The following PTH2R variants were observed in gnomAD, a reference collection of about 807,000 sequenced individuals.
The protein encoded by PTH2R is parathyroid hormone 2 receptor, also known as PTH2 receptor.
In PTH2R, 59 loss-of-function variants were observed where a neutral mutation model predicts 60.3. The observed-to-expected ratio is 0.98, with a 90% CI of 0.79 to 1.22. The LOEUF is 1.22. Among genes scored for constraint, PTH2R ranks in the 50% most tolerant of loss-of-function variants. The pLI, the probability that PTH2R is intolerant of heterozygous loss-of-function variation, is 0.00. For missense variants in PTH2R, 749 were observed against 682.6 expected (o/e 1.10, Z -1.08); for synonymous variants, 256 against 243.8 (o/e 1.05, Z -0.47).
chr2:208,430,546 C>CTTTTTT (rs760898660), intron 2 of PTH2R, among the ~76,000 whole-genome samples: 1 of 118,238 alleles, frequency 8.5e-6, no homozygotes. Flanking sequence ...TGTCTGGCTT[C>CTTTTTT]TTTTTTTTTT....
At chr2:208,443,001 A>G (rs1702217280) in intron 5 of PTH2R, among the ~76,000 whole-genome samples, 2 of 152,166 alleles carry the variant, frequency 1.3e-5, no homozygotes, top group Non-Finnish European at 2.9e-5. Context: ...CAGAAAAAAA[A>G]GTTTGGTTGT....
At chr2:208,412,026 G>T (rs1256259103) in intron 1 of PTH2R, among the ~76,000 whole-genome samples, 1 of 152,108 alleles carries the variant, frequency 6.6e-6, no homozygotes, top group Non-Finnish European at 1.5e-5. Context: ...CTTTTAAATG[G>T]GGTGTGTATG....
At chr2:208,413,215 T>G (rs1235357056) in intron 1 of PTH2R, among the ~76,000 whole-genome samples, 1 of 151,978 alleles carries the variant, frequency 6.6e-6, no homozygotes, top group East Asian at 1.9e-4. Context: ...TTGAACTCAT[T>G]AAATTATATT....
intron 1 of PTH2R, among the ~76,000 whole-genome samples, chr2:208,365,942 ATATATATATATATATATATTTTTTTTTTT>A (rs1700574648): frequency 1.4e-4 from 2 of 14,712 alleles, no homozygotes; most frequent in Non-Finnish European, 3.3e-4. Context: ...ATATATATAT[ATATATATATATATATATATTTTTTTTTTT>A]TTTTTTTTTT....
chr2:208,452,616 GT>G (rs1026016636), intron 8 of PTH2R, among the ~76,000 whole-genome samples: 1 of 152,158 alleles, frequency 6.6e-6, no homozygotes, highest in African/African-American at 2.4e-5. Flanking sequence ...AGATTAGGAT[GT>G]TTGGTCTTCG....
intron 10 of PTH2R, among the ~76,000 whole-genome samples, chr2:208,484,948 G>T (rs772346582): frequency 9.2e-5 from 14 of 152,166 alleles, no homozygotes; most frequent in Non-Finnish European, 2.1e-4. Context: ...GTGTCATGCT[G>T]AGTGCCCTCC....
chr2:208,459,069 C>T (rs1401555336), intron 8 of PTH2R, among the ~76,000 whole-genome samples: 1 of 152,076 alleles, frequency 6.6e-6, no homozygotes, highest in African/African-American at 2.4e-5. Flanking sequence ...ACACTCCCAC[C>T]AACAGCATAT....
intron 2 of PTH2R, among the ~76,000 whole-genome samples, chr2:208,429,876 C>T (rs1242469723): frequency 6.6e-6 from 1 of 152,136 alleles, no homozygotes; most frequent in African/African-American, 2.4e-5. Flanking sequence ...TTCTGATAAT[C>T]TTTGTCTATT....
chr2:208,361,040 A>G, intron 1 of PTH2R: 1 of 216,654 alleles, frequency 4.6e-6, no homozygotes, highest in Non-Finnish European at 9.8e-6. Flanking sequence ...TCCCGCTGGA[A>G]ATAACAGATG....
chr2:208,371,805 C>G (rs1700706560), intron 1 of PTH2R, among the ~76,000 whole-genome samples: 1 of 152,070 alleles, frequency 6.6e-6, no homozygotes, highest in Non-Finnish European at 1.5e-5. Context: ...TGTGATATGA[C>G]ATACTCATAA....
intron 1 of PTH2R, among the ~76,000 whole-genome samples, chr2:208,396,759 G>C (rs1369797976): frequency 6.6e-6 from 1 of 152,122 alleles, no homozygotes; most frequent in Non-Finnish European, 1.5e-5. Context: ...GATTCCTCAG[G>C]GATCTAGAAC....
In PTH2R at chr2:208,385,805, A is replaced by G. The variant is rs1004164654; in HGVS notation, c.-259+25568A>G. 4.6e-5 allele frequency among the ~76,000 whole-genome samples: 7 copies of G among 152,268 alleles called. No homozygotes were observed. In the East Asian group the frequency reaches 1.3e-3, roughly 29 times the overall value. On this transcript the variant is annotated intron_variant, in intron 1 of 12. Transcript: ENST00000617735. Reference sequence around the variant, plus strand: ...AGACACAGAATAAAACACAGAAGATAAGAAAACCAACTTTGAAAGAAAATT... The same window carrying G: ...AGACACAGAATAAAACACAGAAGATGAGAAAACCAACTTTGAAAGAAAATT...
At chr2:208,470,170 A>G (rs186179646) in intron 9 of PTH2R, among the ~76,000 whole-genome samples, 30 of 152,348 alleles carry the variant, frequency 2.0e-4, no homozygotes, top group African/African-American at 6.7e-4. Context: ...GGAGAGTTAT[A>G]TGGTACTAGC....
intron 8 of PTH2R, among the ~76,000 whole-genome samples, chr2:208,458,186 T>C (rs1428486914): frequency 3.3e-5 from 5 of 152,168 alleles, no homozygotes; most frequent in Non-Finnish European, 7.4e-5. Context: ...ATTCAATTGA[T>C]GTCAGTTCAA....
chr2:208,414,463 C>T (rs1356632428), intron 1 of PTH2R, among the ~76,000 whole-genome samples: 1 of 151,970 alleles, frequency 6.6e-6, no homozygotes, highest in Non-Finnish European at 1.5e-5. Flanking sequence ...TCATAGTATT[C>T]CCCCAAGTTC....
At chr2:208,441,254 A>G (rs60916150) in intron 4 of PTH2R, among the ~76,000 whole-genome samples, 4,506 of 152,300 alleles carry the variant, frequency 0.03, 209 homozygotes, top group African/African-American at 0.089. Flanking sequence ...ACAAATAAAC[A>G]GCCAGGTGAA....
At chr2:208,460,828 A>C (rs1181569748) in intron 9 of PTH2R, among the ~76,000 whole-genome samples, 1 of 152,176 alleles carries the variant, frequency 6.6e-6, no homozygotes, top group East Asian at 1.9e-4. Context: ...TAAATGTTAA[A>C]TTAGAAAACA....
chr2:208,399,833 A>C (rs1701274745), intron 1 of PTH2R, among the ~76,000 whole-genome samples: 1 of 152,214 alleles, frequency 6.6e-6, no homozygotes, highest in Admixed American at 6.5e-5. Flanking sequence ...CTCCCAACAT[A>C]GCATGTTTAC....
chr2:208,480,242 T>C (rs761437184), intron 9 of PTH2R, among the ~76,000 whole-genome samples: 1 of 152,232 alleles, frequency 6.6e-6, no homozygotes. Context: ...CTTTCTCTTC[T>C]GCCCCTGCTC....
Sources: gnomAD v4.1 joint callset for allele counts (sites outside exome capture counted in the v4.1 genomes callset) on GRCh38, gnomAD v4.1.1 for gene constraint, MANE v1.5 for transcripts, NCBI Gene and HGNC (gene_info 2026-07-23, HGNC 2026-07-21) for gene names.